MET: variants seen among roughly 807,000 people sequenced by gnomAD.
The protein encoded by MET is MET proto-oncogene, receptor tyrosine kinase.
Under a neutral mutation model 133.1 loss-of-function variants are expected in MET, and 48 were observed. The observed-to-expected ratio is 0.36, with a 90% CI of 0.29 to 0.46. MET has a LOEUF of 0.46. MET is among the 20% of genes least tolerant of loss of function. The pLI is 1.00. For missense variants in MET, 1,442 were observed against 1,695.9 expected, an observed-to-expected ratio of 0.85 and a Z score of 2.63; for synonymous variants, 628 against 616.5, an observed-to-expected ratio of 1.02 and a Z score of -0.28.
chr7:116,776,693 G>C (rs1345557081), intron 15 of MET, among the ~76,000 whole-genome samples: 2 of 152,172 alleles, frequency 1.3e-5, no homozygotes, highest in East Asian at 1.9e-4. Flanking sequence ...ATTAATTAGT[G>C]AATGACTTAC....
intron 5 of MET, among the ~76,000 whole-genome samples, chr7:116,747,015 C>T (rs571501976): frequency 2.4e-4 from 37 of 152,126 alleles, no homozygotes; most frequent in Non-Finnish European, 4.6e-4. Context: ...AATTTCCTTC[C>T]CAGAATTTCA....
At chr7:116,707,406 C>A (rs116276647) in intron 2 of MET, among the ~76,000 whole-genome samples, 5 of 152,156 alleles carry the variant, frequency 3.3e-5, no homozygotes, top group African/African-American at 1.2e-4. Context: ...TACTTCAAAT[C>A]GTGCCCTAGA....
At chr7:116,751,192 A>G (rs773276671) in intron 5 of MET, among the ~76,000 whole-genome samples, 3 of 152,212 alleles carry the variant, frequency 2.0e-5, no homozygotes, top group Admixed American at 6.5e-5. Context: ...TCAAAGATAG[A>G]CTGGATAAAG....
chr7:116,771,827 C>G (rs761059407), intron 13 of MET, 22 bp from the exon 14 acceptor site: 1 of 1,613,636 alleles, frequency 6.2e-7, no homozygotes, highest in Admixed American at 1.7e-5. Context: ...TTAACAAGCT[C>G]TTTCTTTCTC....
At chr7:116,693,593 A>G (rs1019119070) in intron 1 of MET, among the ~76,000 whole-genome samples, 1 of 152,228 alleles carries the variant, frequency 6.6e-6, no homozygotes, top group Non-Finnish European at 1.5e-5. Flanking sequence ...TTATGAGGAA[A>G]GCACCATGAT....
intron 1 of MET, among the ~76,000 whole-genome samples, chr7:116,681,665 G>A (rs1420562525): frequency 6.6e-6 from 1 of 152,152 alleles, no homozygotes; most frequent in Non-Finnish European, 1.5e-5. Context: ...CTCCTCTGAG[G>A]GTCTTAGGTG....
Position 116,740,888 on chromosome 7 carries a change from C to T in MET, c.1564C>T (p.His522Tyr), listed in dbSNP as rs1322067458. The stretch of plus-strand genomic sequence containing the variant: ...CCCATTGAATGGCTTGGGCTGCAGA[C>T]ATTTCCAGTCCTGCAGTCAATGCCT... ...KIPLNGLGCRHFQSCSQCLSA... is the reference protein window; with the variant it reads ...KIPLNGLGCRYFQSCSQCLSA... Residue 522 changes from histidine to tyrosine, a missense_variant, in exon 5 of 21, where the codon CAT (histidine) becomes TAT (tyrosine). This residue lies in a region of MET where 762 missense variants were observed against 792.4 expected (regional missense o/e 0.96). Coordinates refer to ENST00000397752, the MANE Select transcript of MET (RefSeq NM_000245.4). The T allele has an allele frequency of 6.2e-7, 1 of 1,614,162 alleles. No individual in the cohort carries two copies.
At chr7:116,763,643 G>T (rs1794495858) in intron 11 of MET, among the ~76,000 whole-genome samples, 2 of 152,164 alleles carry the variant, frequency 1.3e-5, no homozygotes, top group South Asian at 4.1e-4. Context: ...TGCATCAATT[G>T]TATCTCCGTT....
rs879254343 is a variant in MET at position 116,699,929 on chromosome 7, G to C, written c.845G>C (p.Cys282Ser). The C allele has an allele frequency of 6.2e-7, 1 of 1,614,064 alleles. No individual in the cohort carries two copies. The highest frequency in any genetic ancestry group is 8.5e-7 in the Non-Finnish European group (1 of 1,179,964). Residue 282 changes from cysteine (C) to serine (S), a missense_variant, in exon 2 of 21, where the codon TGT (cysteine) becomes TCT (serine). Cys to Ser is a moderately radical substitution (Grantham distance 112, BLOSUM62 -1). Coordinates refer to ENST00000397752, the MANE Select transcript of MET (RefSeq NM_000245.4). ...QTFHTRIIRF[C>S]SINSGLHSYM... Reference sequence around the variant, plus strand: ...TTTCACACAAGAATAATCAGGTTCTGTTCCATAAACTCTGGATTGCATTCC... The same window carrying C: ...TTTCACACAAGAATAATCAGGTTCTCTTCCATAAACTCTGGATTGCATTCC...
intron 3 of MET, among the ~76,000 whole-genome samples, chr7:116,734,220 G>T (rs1302249211): frequency 6.6e-6 from 1 of 151,992 alleles, no homozygotes; most frequent in African/African-American, 2.4e-5. Flanking sequence ...AAAATAGAAT[G>T]GACATTTTTT....
chr7:116,792,343 A>G (rs1452071962), intron 19 of MET, among the ~76,000 whole-genome samples: 1 of 152,096 alleles, frequency 6.6e-6, no homozygotes, highest in Non-Finnish European at 1.5e-5. Context: ...AATGCCATAC[A>G]GTAAGCACGG....
intron 1 of MET, among the ~76,000 whole-genome samples, chr7:116,685,015 G>A (rs1388036369): frequency 6.6e-6 from 1 of 152,178 alleles, no homozygotes; most frequent in East Asian, 1.9e-4. Context: ...ATATTTGTAG[G>A]TGGGTGTCAA....
At chr7:116,757,390 A>T (rs769077231) in intron 6 of MET, 47 bp from the exon 7 acceptor site, 1 of 1,510,674 alleles carries the variant, frequency 6.6e-7, no homozygotes, top group African/African-American at 1.4e-5. Context: ...CCTAACCAGA[A>T]AATTCCTTGG....
rs2116602432 is a variant in MET, at chr7:116,700,063, G to T, written c.979G>T (p.Ala327Ser). 1 of 1,613,516 alleles carries T rather than the reference G, an allele frequency of 6.2e-7. No individual in the cohort carries two copies. The change falls in exon 2 of 21, where the codon GCC (alanine) becomes TCC (serine). Residue 327 changes from alanine (A) to serine (S), a missense_variant. By Grantham distance (99) the Ala-to-Ser change is moderately conservative. Transcript: ENST00000397752. ...GGCTGCGTATGTCAGCAAGCCTGGG[G>T]CCCAGCTTGCTAGACAAATAGGAGC... ...LQAAYVSKPG[A>S]QLARQIGASL...
chr7:116,685,187 G>A (rs1454778500), intron 1 of MET, among the ~76,000 whole-genome samples: 1 of 152,100 alleles, frequency 6.6e-6, no homozygotes, highest in Non-Finnish European at 1.5e-5. Flanking sequence ...ATTAGCTTTG[G>A]TGGCGCCATC....
intron 5 of MET, among the ~76,000 whole-genome samples, chr7:116,752,137 G>C (rs530859561): frequency 6.6e-6 from 1 of 152,246 alleles, no homozygotes; most frequent in South Asian, 2.1e-4. Flanking sequence ...AGAATACTCA[G>C]AAAAGCAGTA....
intron 16 of MET, 34 bp downstream of exon 16, chr7:116,777,503 T>G: frequency 6.3e-7 from 1 of 1,598,056 alleles, no homozygotes; most frequent in East Asian, 2.2e-5. Flanking sequence ...TGGAGTATAC[T>G]TTTGTGGTTT....
chr7:116,745,756 T>C (rs1404642938), intron 5 of MET, among the ~76,000 whole-genome samples: 1 of 152,224 alleles, frequency 6.6e-6, no homozygotes. Context: ...GATCCCTTCC[T>C]TACACCTTAT....
rs759396158 is a variant in MET, at chr7:116,757,742, T to A, written c.2070T>A (p.Ile690=). Residue 690 remains isoleucine (I), a synonymous_variant, in exon 8 of 21, where the codon ATT becomes ATA. Transcript: ENST00000397752. Reference sequence around the variant, plus strand: ...TAAACAGTGGGAATTCTAGACACATTTCAATTGGTGGAAAAACATGTACTT... The same window carrying A: ...TAAACAGTGGGAATTCTAGACACATATCAATTGGTGGAAAAACATGTACTT... ...NYLNSGNSRH[I]SIGGKTCTLK... 1 of 1,613,952 alleles carries A rather than the reference T, an allele frequency of 6.2e-7. No homozygotes were observed. The highest frequency in any genetic ancestry group is 1.7e-4 in the Middle Eastern group (1 of 6,058).
Sources: gnomAD v4.1 joint callset for allele counts (sites outside exome capture counted in the v4.1 genomes callset) on GRCh38, gnomAD v4.1.1 for gene constraint, gnomAD v4.1.1 regional missense constraint, MANE v1.5 for transcripts, NCBI Gene and HGNC (gene_info 2026-07-23, HGNC 2026-07-21) for gene names.